The following PLXNA4 variants were observed in gnomAD, a reference collection of about 807,000 sequenced individuals.
The protein encoded by PLXNA4 is plexin A4, also known as plexin-A4.
In PLXNA4, 44 loss-of-function variants were observed where a neutral mutation model predicts 191.8. The ratio of observed to expected loss-of-function variants is 0.23; its 90% confidence interval spans 0.18 to 0.29. PLXNA4 has a LOEUF of 0.29. PLXNA4 is among the 10% of genes least tolerant of loss of function. PLXNA4 has a pLI of 1.00. For synonymous variants in PLXNA4, 1,082 were observed against 1,009.5 expected (o/e 1.07, Z -1.36); for missense variants, 1,800 against 2,488.8 (o/e 0.72, Z 5.89).
intron 25 of PLXNA4, among the ~76,000 whole-genome samples, chr7:132,149,575 A>C (rs1219481659): frequency 6.6e-6 from 1 of 152,232 alleles, no homozygotes; most frequent in East Asian, 1.9e-4. Context: ...CATATACCAG[A>C]AAGGAAAAAC....
chr7:132,236,883 A>C (rs1015708022), intron 5 of PLXNA4, among the ~76,000 whole-genome samples: 3 of 152,092 alleles, frequency 2.0e-5, no homozygotes, highest in Admixed American at 2.0e-4. Flanking sequence ...TCTCCTGCTG[A>C]GCCCACTTCC....
chr7:132,461,294 T>G (rs1796493874), intron 3 of PLXNA4, among the ~76,000 whole-genome samples: 1 of 152,172 alleles, frequency 6.6e-6, no homozygotes, highest in South Asian at 2.1e-4. Context: ...TAAGGTTGCA[T>G]GAATGGCTGA....
At chr7:132,445,172 A>G (rs1461831699) in intron 3 of PLXNA4, among the ~76,000 whole-genome samples, 2 of 150,684 alleles carry the variant, frequency 1.3e-5, no homozygotes, top group African/African-American at 4.9e-5. Context: ...AAAAAAAAAA[A>G]AAAAAAAAAA....
chr7:132,528,041 A>G (rs1223226422), intron 1 of PLXNA4, among the ~76,000 whole-genome samples: 2 of 152,238 alleles, frequency 1.3e-5, no homozygotes, highest in African/African-American at 2.4e-5. Flanking sequence ...GTGAAGCCCA[A>G]TCAGGGTGAC....
At chr7:132,431,537 G>A (rs111289547) in intron 3 of PLXNA4, among the ~76,000 whole-genome samples, 9 of 152,190 alleles carry the variant, frequency 5.9e-5, no homozygotes, top group Admixed American at 1.3e-4. Context: ...GGGGGAAGAC[G>A]TGACTCAGAA....
chr7:132,533,931 T>C (rs1475534646), intron 1 of PLXNA4, among the ~76,000 whole-genome samples: 2 of 150,344 alleles, frequency 1.3e-5, no homozygotes, highest in African/African-American at 5.0e-5. Flanking sequence ...ATTACTATTA[T>C]TATTATTATT....
At chr7:132,251,253 C>A (rs1381825264) in intron 4 of PLXNA4, among the ~76,000 whole-genome samples, 2 of 152,116 alleles carry the variant, frequency 1.3e-5, no homozygotes, top group African/African-American at 4.8e-5. Context: ...ATTTAACTGA[C>A]CTTAAAATTT....
intron 5 of PLXNA4, among the ~76,000 whole-genome samples, chr7:132,230,058 T>C (rs1476221356): frequency 1.3e-5 from 2 of 152,060 alleles, no homozygotes; most frequent in East Asian, 1.9e-4. Context: ...TCAGAGTAGA[T>C]TGGATGTGCA....
chr7:132,517,096 A>G (rs1798971950), intron 1 of PLXNA4, among the ~76,000 whole-genome samples: 2 of 152,124 alleles, frequency 1.3e-5, no homozygotes, highest in South Asian at 2.1e-4. Context: ...ACTTCCTACA[A>G]CACTGTACAA....
chr7:132,612,083 A>G (rs1396376109), intron 2 of PLXNA4, among the ~76,000 whole-genome samples: 1 of 4,448 alleles, frequency 2.2e-4, no homozygotes, highest in Non-Finnish European at 0.01. Flanking sequence ...AATCAGAAAA[A>G]CAAGGCAAAA....
chr7:132,379,283 G>A (rs537680422), intron 3 of PLXNA4, among the ~76,000 whole-genome samples: 1 of 152,278 alleles, frequency 6.6e-6, no homozygotes, highest in African/African-American at 2.4e-5. Context: ...TATGGGAATG[G>A]GTACATTAGC....
rs1425354100 is a variant in PLXNA4 at position 132,290,394 on chromosome 7, G to A, written c.1503+7697C>T. ...GACAGCTGCTTCTCCCCTGGTAGGG[G>A]TCACTCCAGGGCACCCAAGAACAAG... is the stretch of plus-strand genomic sequence containing the variant. On this transcript the variant is annotated intron_variant, in intron 4 of 31. Transcript: ENST00000321063. 2.0e-5 allele frequency among the ~76,000 whole-genome samples: 3 copies of A among 152,324 alleles called. No homozygotes were observed. The Middle Eastern group carries it at 0.01, about 518-fold the overall frequency.
intron 1 of PLXNA4, among the ~76,000 whole-genome samples, chr7:132,512,795 C>A (rs156969): frequency 0.33 from 49,931 of 152,032 alleles, 8,336 homozygotes; most frequent in South Asian, 0.37. Context: ...GATGTCAATT[C>A]TTGTAAGCGG....
chr7:132,372,173 G>A (rs1053820149), intron 3 of PLXNA4, among the ~76,000 whole-genome samples: 3 of 152,188 alleles, frequency 2.0e-5, no homozygotes, highest in African/African-American at 7.2e-5. Context: ...CACTACATTA[G>A]GGCTGCAGGA....
chr7:132,164,877 T>A (rs753307225), intron 23 of PLXNA4, among the ~76,000 whole-genome samples: 1 of 152,200 alleles, frequency 6.6e-6, no homozygotes, highest in African/African-American at 2.4e-5. Flanking sequence ...TTAGGGACCA[T>A]GCAGGGCCTC....
At chr7:132,433,183 TGGG>T (rs1563095746) in intron 3 of PLXNA4, among the ~76,000 whole-genome samples, 1 of 152,160 alleles carries the variant, frequency 6.6e-6, no homozygotes, top group Non-Finnish European at 1.5e-5. Flanking sequence ...GAGTAAAACT[TGGG>T]GGGAAAAATC....
chr7:132,548,481 G>T (rs567401839), intron 1 of PLXNA4, among the ~76,000 whole-genome samples: 2 of 152,150 alleles, frequency 1.3e-5, no homozygotes, highest in Non-Finnish European at 2.9e-5. Flanking sequence ...AGTGAGAGAC[G>T]CTGCCAGGCA....
intron 20 of PLXNA4, among the ~76,000 whole-genome samples, 171 bp downstream of exon 20, chr7:132,179,516 C>T (rs1340705952): frequency 6.6e-6 from 1 of 151,440 alleles, no homozygotes; most frequent in African/African-American, 2.4e-5. Flanking sequence ...CACACATGCA[C>T]ACACACACAT....
Position 132,123,596 on chromosome 7 carries a change from C to A in PLXNA4, c.*6883G>T, listed in dbSNP as rs1374514620. ...TTCTTTAAAAATCAAAACCAGAAGA[C>A]CCTCTTCTTAGAGATCTCATCCACA... On this transcript the variant is annotated 3_prime_UTR_variant, in exon 32 of 32. Coordinates refer to ENST00000321063, the MANE Select transcript of PLXNA4 (RefSeq NM_020911.2). The A allele has an allele frequency of 1.3e-5, 2 of 151,984 alleles. No individual in the cohort carries two copies. Among genetic ancestry groups the A allele is most frequent in the African/African-American group, 4.8e-5 (2 of 41,374 alleles). 9.4% of individuals were successfully genotyped at this position (151,984 alleles called of 1,614,324 possible).
Sources: gnomAD v4.1 joint callset for allele counts (sites outside exome capture counted in the v4.1 genomes callset) on GRCh38, gnomAD v4.1.1 for gene constraint, MANE v1.5 for transcripts, NCBI Gene and HGNC (gene_info 2026-07-23, HGNC 2026-07-21) for gene names.